TAFA1: variants seen among roughly 807,000 people sequenced by gnomAD.
TAFA1 encodes TAFA chemokine like family member 1, also known as chemokine-like protein TAFA-1.
In TAFA1, 4 loss-of-function variants were observed where a neutral mutation model predicts 18.5. The ratio of observed to expected loss-of-function variants is 0.22; its 90% CI spans 0.11 to 0.49. TAFA1 has a LOEUF of 0.49. Ranked by LOEUF, TAFA1 falls within the 20% of genes least tolerant of loss-of-function variation. TAFA1 has a pLI of 0.98. For synonymous variants in TAFA1, 56 were observed against 55.2 expected (o/e 1.01, Z -0.06); for missense variants, 147 against 169.0 (o/e 0.87, Z 0.72).
chr3:68,250,641 C>A (rs2107161079), intron 2 of TAFA1, among the ~76,000 whole-genome samples: 1 of 152,170 alleles, frequency 6.6e-6, no homozygotes, highest in East Asian at 1.9e-4. Context: ...AAAATTCCCA[C>A]CTATTACTTA....
chr3:68,013,652 C>T (rs991652564), intron 2 of TAFA1, among the ~76,000 whole-genome samples: 6 of 152,022 alleles, frequency 3.9e-5, no homozygotes, highest in Admixed American at 2.0e-4. Flanking sequence ...GAAAATAACA[C>T]CAGACAAGCA....
intron 3 of TAFA1, among the ~76,000 whole-genome samples, chr3:68,497,768 A>G (rs764307925): frequency 7.2e-5 from 11 of 152,174 alleles, no homozygotes; most frequent in Admixed American, 1.3e-4. Context: ...GCGGAATGAC[A>G]CAGGCAGAAT....
At chr3:68,011,415 G>A (rs765938943) in intron 2 of TAFA1, among the ~76,000 whole-genome samples, 1 of 152,058 alleles carries the variant, frequency 6.6e-6, no homozygotes, top group Non-Finnish European at 1.5e-5. Flanking sequence ...CAAACTATGT[G>A]TGTTAGATAT....
intron 2 of TAFA1, among the ~76,000 whole-genome samples, chr3:68,394,566 A>G (rs2070335647): frequency 6.6e-6 from 1 of 152,192 alleles, no homozygotes; most frequent in Non-Finnish European, 1.5e-5. Flanking sequence ...CTGCAAGACT[A>G]CAGTAACCAA....
intron 2 of TAFA1, among the ~76,000 whole-genome samples, chr3:68,330,257 G>T (rs1002336471): frequency 6.6e-6 from 1 of 152,166 alleles, no homozygotes; most frequent in African/African-American, 2.4e-5. Flanking sequence ...TTCTGGTTCA[G>T]TTTGGGTTGC....
At chr3:68,378,669 T>C (rs2106660265) in intron 2 of TAFA1, among the ~76,000 whole-genome samples, 1 of 152,264 alleles carries the variant, frequency 6.6e-6, no homozygotes, top group Non-Finnish European at 1.5e-5. Context: ...ATGGTTTGGC[T>C]CTGTGTCCCC....
intron 2 of TAFA1, among the ~76,000 whole-genome samples, chr3:68,386,712 T>C (rs1156734715): frequency 6.6e-6 from 1 of 152,208 alleles, no homozygotes; most frequent in Non-Finnish European, 1.5e-5. Flanking sequence ...ATTGCTTTCT[T>C]TTCTGTTGGC....
At chr3:68,492,420 C>T (rs187855871) in intron 3 of TAFA1, among the ~76,000 whole-genome samples, 8 of 151,990 alleles carry the variant, frequency 5.3e-5, no homozygotes, top group South Asian at 2.1e-4. Context: ...CTAGGGAAAT[C>T]CGACTTCAGA....
chr3:68,200,803 G>C, intron 2 of TAFA1, among the ~76,000 whole-genome samples: 1 of 151,230 alleles, frequency 6.6e-6, no homozygotes, highest in East Asian at 2.0e-4. Flanking sequence ...CAAAGAATCA[G>C]CTTTTGATTG....
chr3:68,525,826 A>G (rs974445247), intron 3 of TAFA1, among the ~76,000 whole-genome samples: 4 of 152,236 alleles, frequency 2.6e-5, no homozygotes, highest in Non-Finnish European at 4.4e-5. Flanking sequence ...CAATGGTATT[A>G]TATCCTGTTA....
At chr3:68,023,121 A>C (rs903766569) in intron 2 of TAFA1, among the ~76,000 whole-genome samples, 30 of 151,996 alleles carry the variant, frequency 2.0e-4, no homozygotes, top group African/African-American at 7.2e-4. Context: ...ACTACAACAC[A>C]GAAATTTTCT....
At chr3:68,302,613 C>G (rs549302141) in intron 2 of TAFA1, among the ~76,000 whole-genome samples, 7 of 151,706 alleles carry the variant, frequency 4.6e-5, no homozygotes, top group African/African-American at 1.2e-4. Context: ...GAGTACTTGT[C>G]TTTTCCATTG....
intron 2 of TAFA1, among the ~76,000 whole-genome samples, chr3:68,327,094 G>T (rs1444963839): frequency 6.6e-6 from 1 of 152,124 alleles, no homozygotes; most frequent in African/African-American, 2.4e-5. Flanking sequence ...TTTATAAGGG[G>T]AGTTCCCCTG....
intron 2 of TAFA1, among the ~76,000 whole-genome samples, chr3:68,079,829 C>T (rs530953654): frequency 2.6e-5 from 4 of 152,248 alleles, no homozygotes; most frequent in East Asian, 1.9e-4. Context: ...TCTATTAGGT[C>T]GGCTTGGTGC....
chr3:68,324,742 G>C (rs1018951870), intron 2 of TAFA1, among the ~76,000 whole-genome samples: 2 of 152,160 alleles, frequency 1.3e-5, no homozygotes, highest in Non-Finnish European at 2.9e-5. Flanking sequence ...AATTACTTTT[G>C]CACCAACTTG....
chr3:68,542,714 T>C (rs530410379), intron 4 of TAFA1, among the ~76,000 whole-genome samples: 11 of 152,108 alleles, frequency 7.2e-5, no homozygotes, highest in Non-Finnish European at 1.5e-4. Flanking sequence ...AGGGTGGATA[T>C]TGGGGAAAGA....
At chr3:68,029,137 A>G (rs1704879293) in intron 2 of TAFA1, among the ~76,000 whole-genome samples, 1 of 152,116 alleles carries the variant, frequency 6.6e-6, no homozygotes, top group African/African-American at 2.4e-5. Context: ...AAGATTCTCT[A>G]TCACATTTTT....
chr3:68,497,689 G>A (rs1373853132), intron 3 of TAFA1, among the ~76,000 whole-genome samples: 1 of 152,168 alleles, frequency 6.6e-6, no homozygotes, highest in Admixed American at 6.6e-5. Context: ...TACTCACAAA[G>A]GACCTTCCAC....
chr3:68,045,526 G>A (rs577325765), intron 2 of TAFA1, among the ~76,000 whole-genome samples: 1 of 152,106 alleles, frequency 6.6e-6, no homozygotes, highest in Non-Finnish European at 1.5e-5. Flanking sequence ...GCCTTGGGAA[G>A]CTCCTCCTGT....
Sources: gnomAD v4.1 joint callset for allele counts (sites outside exome capture counted in the v4.1 genomes callset) on GRCh38, gnomAD v4.1.1 for gene constraint, MANE v1.5 for transcripts, NCBI Gene and HGNC (gene_info 2026-07-23, HGNC 2026-07-21) for gene names.